The following ZNF623 variants were observed in gnomAD, a reference collection of about 807,000 sequenced individuals.
The protein encoded by ZNF623 is zinc finger protein 623.
ZNF623 carries 16 observed loss-of-function variants against 24.0 expected under a neutral mutation model. The observed-to-expected ratio is 0.67, with a 90% CI of 0.45 to 1.01. The LOEUF is 1.01. Among genes scored for constraint, ZNF623 ranks in the 50% least tolerant of loss-of-function variants. The pLI, the probability that ZNF623 is intolerant of heterozygous loss-of-function variation, is 0.00. For missense variants in ZNF623, 566 were observed against 606.5 expected (o/e 0.93, Z 0.70); for synonymous variants, 224 against 219.8 (o/e 1.02, Z -0.17).
chr8:143,647,582 C>G (rs1815204453), intron 1 of ZNF623, among the ~76,000 whole-genome samples: 1 of 152,152 alleles, frequency 6.6e-6, no homozygotes, highest in South Asian at 2.1e-4. Context: ...TACGAAAGTG[C>G]AAAGGCTCCG....
At chr8:143,649,487 T>C (rs1813441144) in intron 1 of ZNF623, among the ~76,000 whole-genome samples, 1 of 151,888 alleles carries the variant, frequency 6.6e-6, no homozygotes, top group African/African-American at 2.4e-5. Context: ...AAGCTAGGTA[T>C]GGAGGGGAGA....
rs1815388281 is a variant in ZNF623, at chr8:143,653,576, T to G, written c.*2093T>G. On this transcript the variant is annotated 3_prime_UTR_variant, in exon 2 of 2. Transcript: ENST00000526926. ...ACCCAAAGAAGTTCCCTTTTGCCTT[T>G]TCCTAGTTAAGCCCACTCCAGCCCC... 6.0e-6 allele frequency: 1 copy of G among 167,118 alleles called. No homozygotes were observed. The allele number at this position is 167,118 out of a possible 1,614,324, so 10.4% of individuals were successfully genotyped here. A position where few individuals can be genotyped will look rare whatever the true frequency, so the allele number is the denominator to read the frequency against.
chr8:143,645,669 C>T (rs1815162284), intron 1 of ZNF623, among the ~76,000 whole-genome samples: 2 of 152,134 alleles, frequency 1.3e-5, no homozygotes, highest in African/African-American at 2.4e-5. Context: ...ATTCTCCCCA[C>T]GGCCGCCTGC....
In ZNF623 at chr8:143,652,511, TCTC is replaced by T. The variant is rs2131462587; in HGVS notation, c.*1029_*1031del. On this transcript the variant is annotated 3_prime_UTR_variant, in exon 2 of 2. Transcript: ENST00000526926. ...ATCTACGATTCTGTTAGAAGTATCT[TCTC>T]AGCCCTGCTACTGTCTGCTGCTCCT... 6.0e-6 allele frequency: 1 copy of T among 167,216 alleles called. No homozygotes were observed. Among genetic ancestry groups the T allele is most frequent in the East Asian group, 1.9e-4 (1 of 5,188 alleles). The allele number at this position is 167,216 out of a possible 1,614,324, so 10.4% of individuals were successfully genotyped here.
At chr8:143,639,765 T>G (rs1451583383) in intron 1 of ZNF623, among the ~76,000 whole-genome samples, 1 of 152,216 alleles carries the variant, frequency 6.6e-6, no homozygotes, top group African/African-American at 2.4e-5. Context: ...AATACGGTGT[T>G]TCAAATAAGA....
chr8:143,650,913 C>G lies in ZNF623; in HGVS notation c.921C>G (p.Tyr307Ter). ...HQRIHTGERP[Y>*]VCNECGKRFS... The stretch of plus-strand genomic sequence containing the variant: ...GGATCCATACTGGGGAGAGGCCTTA[C>G]GTATGCAATGAGTGTGGGAAGCGCT... Residue 307 changes from tyrosine to a stop codon, truncating the protein, a stop_gained, in exon 2 of 2, where the codon TAC (tyrosine) becomes TAG (stop). Transcript: ENST00000526926. LOFTEE classifies it high-confidence loss of function. This position sits in a 1 kb window ranked among gnomAD's most constrained non-coding sequence, Gnocchi z 5.2. The G allele has an allele frequency of 6.2e-7, 1 of 1,613,810 alleles. No homozygotes were observed. Among genetic ancestry groups the G allele is most frequent in the South Asian group, 1.1e-5 (1 of 91,058 alleles).
intron 1 of ZNF623, among the ~76,000 whole-genome samples, chr8:143,639,478 C>A (rs1202344776): frequency 6.6e-6 from 1 of 152,340 alleles, no homozygotes; most frequent in East Asian, 1.9e-4. Context: ...CCTGCCTAGG[C>A]CTCCCAGAGT....
intron 1 of ZNF623, among the ~76,000 whole-genome samples, chr8:143,642,437 A>C (rs1815076838): frequency 6.6e-6 from 1 of 152,140 alleles, no homozygotes; most frequent in Non-Finnish European, 1.5e-5. Flanking sequence ...CTGTCTTGCT[A>C]TCCTGTCATT....
chr8:143,636,840 C>T (rs1814936229), intron 1 of ZNF623, among the ~76,000 whole-genome samples: 2 of 152,198 alleles, frequency 1.3e-5, no homozygotes, highest in Admixed American at 6.5e-5. Context: ...GTTCTCTGTG[C>T]TTCTGTCAAG....
rs1306651973 is a variant in ZNF623, at chr8:143,652,807, C to A, written c.*1324C>A. Reference sequence around the variant, plus strand: ...GTTGAACTGAGCTCTTGTCATTTTCCATGCTCTCTGGCTCATTGTGTCATT... The same window carrying A: ...GTTGAACTGAGCTCTTGTCATTTTCAATGCTCTCTGGCTCATTGTGTCATT... On this transcript the variant is annotated 3_prime_UTR_variant, in exon 2 of 2. Transcript: ENST00000526926. 1 of 167,126 alleles carries A rather than the reference C, an allele frequency of 6.0e-6. No homozygotes were observed. The highest frequency in any genetic ancestry group is 1.5e-5 in the Non-Finnish European group (1 of 68,144). 10.4% of individuals were successfully genotyped at this position (167,126 alleles called of 1,614,324 possible).
In ZNF623 at chr8:143,650,153, C is replaced by T. The variant is rs1815263675; in HGVS notation, c.161C>T (p.Ala54Val). 1 of 1,614,094 alleles carries T rather than the reference C, an allele frequency of 6.2e-7. No individual in the cohort carries two copies. Among genetic ancestry groups the T allele is most frequent in the Non-Finnish European group, 8.5e-7 (1 of 1,180,058 alleles). Residue 54 changes from alanine to valine, a missense_variant, in exon 2 of 2, where the codon GCT (alanine) becomes GTT (valine). Around this residue, in one of 3 missense-constraint regions of ZNF623, gnomAD observed 313 missense variants for 300.4 expected, o/e 1.04. Transcript: ENST00000526926. This position sits in a 1 kb window ranked among gnomAD's most constrained non-coding sequence, Gnocchi z 5.2. ...THWKIQTGET[A>V]QVCTKSGRNH... ...TGGAAGATCCAGACAGGAGAGACAG[C>T]TCAAGTGTGCACCAAGTCAGGAAGA...
rs759502116 is a variant in ZNF623 at position 143,651,743 on chromosome 8, GA to G, written c.*264del. On this transcript the variant is annotated 3_prime_UTR_variant, in exon 2 of 2. Transcript: ENST00000526926. The stretch of plus-strand genomic sequence containing the variant: ...GGGGCAGGGAGAAGACAGGTCTCAA[GA>G]AAAGGTTTTTAAGAAGTTTCATCCC... 533 of 435,762 alleles carry G rather than the reference GA, an allele frequency of 1.2e-3. 5 individuals are homozygous for G. The Middle Eastern group carries it at 0.017, about 14-fold the overall frequency. 27.0% of individuals were successfully genotyped at this position (435,762 alleles called of 1,614,324 possible). A position where few individuals can be genotyped will look rare whatever the true frequency, so the allele number is the denominator to read the frequency against.
At chr8:143,641,001 C>T (rs886736431) in intron 1 of ZNF623, among the ~76,000 whole-genome samples, 5 of 145,506 alleles carry the variant, frequency 3.4e-5, no homozygotes, top group Non-Finnish European at 6.0e-5. Context: ...AGTTTGATCA[C>T]GAGATTGAAG....
At chr8:143,648,526 A>G (rs1170222387) in intron 1 of ZNF623, among the ~76,000 whole-genome samples, 2 of 151,988 alleles carry the variant, frequency 1.3e-5, no homozygotes, top group Non-Finnish European at 2.9e-5. Flanking sequence ...TTGGTGGGAC[A>G]TGGGGCCCAT....
chr8:143,651,908 A>G lies in ZNF623; in HGVS notation c.*425A>G, dbSNP rs942845540. On this transcript the variant is annotated 3_prime_UTR_variant, in exon 2 of 2. Coordinates refer to ENST00000526926, the MANE Select transcript of ZNF623 (RefSeq NM_001261843.2). ...AAAGGTAACTCGTGTATGAACCCCG[A>G]GCCATTTCCCTGTTGTCCTGAGGAG... is the stretch of plus-strand genomic sequence containing the variant. The G allele has an allele frequency of 1.7e-5, 3 of 173,126 alleles. No individual in the cohort carries two copies. Among genetic ancestry groups the G allele is most frequent in the Admixed American group, 1.3e-4 (2 of 15,886 alleles). The allele number at this position is 173,126 out of a possible 1,614,324, so 10.7% of individuals were successfully genotyped here.
At chr8:143,641,981 C>T (rs1392120069) in intron 1 of ZNF623, among the ~76,000 whole-genome samples, 2 of 152,214 alleles carry the variant, frequency 1.3e-5, no homozygotes, top group African/African-American at 4.8e-5. Flanking sequence ...CAGCTGCATT[C>T]GCCCCTAACG....
chr8:143,642,628 C>T (rs1453315180), intron 1 of ZNF623, among the ~76,000 whole-genome samples: 7 of 152,156 alleles, frequency 4.6e-5, no homozygotes, highest in Non-Finnish European at 7.3e-5. Context: ...CCTCCTTTCA[C>T]GTGAGAGGCC....
intron 1 of ZNF623, among the ~76,000 whole-genome samples, chr8:143,641,432 A>G (rs76087177): frequency 0.013 from 1,879 of 148,608 alleles, 174 homozygotes; most frequent in African/African-American, 0.045. Flanking sequence ...GAGCATTGTC[A>G]GTGAGTAGTG....
intron 1 of ZNF623, among the ~76,000 whole-genome samples, chr8:143,645,662 C>G (rs981828566): frequency 6.6e-6 from 1 of 152,118 alleles, no homozygotes. Flanking sequence ...TGTGCACATT[C>G]TCCCCACGGC....
Sources: allele counts gnomAD v4.1 joint callset (sites outside exome capture counted in the v4.1 genomes callset), GRCh38; gene constraint gnomAD v4.1.1; regional missense constraint gnomAD v4.1.1; non-coding constraint Gnocchi (gnomAD v3.1); transcripts MANE v1.5; gene names NCBI Gene and HGNC (gene_info 2026-07-23, HGNC 2026-07-21).